The following NEXN variants were observed in gnomAD, a reference collection of about 807,000 sequenced individuals.
NEXN encodes the protein nexilin F-actin binding protein.
A neutral mutation model predicts 92.6 loss-of-function variants in NEXN; 65 were observed. The ratio of observed to expected loss-of-function variants is 0.70; its 90% CI spans 0.57 to 0.86. The LOEUF (loss-of-function observed/expected upper bound fraction) is 0.86, where lower values mean the gene tolerates loss of function less well. NEXN is among the 40% of genes least tolerant of loss of function. NEXN has a pLI of 0.00. For synonymous variants in NEXN, 254 were observed against 242.5 expected (o/e 1.05, Z -0.44); for missense variants, 778 against 771.1 (o/e 1.01, Z -0.11).
chr1:77,938,358 G>C (rs1650957055), intron 11 of NEXN, among the ~76,000 whole-genome samples: 1 of 152,088 alleles, frequency 6.6e-6, no homozygotes, highest in African/African-American at 2.4e-5. Flanking sequence ...CATTTAAGAA[G>C]TTTAGTCTAC....
chr1:77,904,240 G>A (rs1380673935), intron 1 of NEXN, among the ~76,000 whole-genome samples: 2 of 152,006 alleles, frequency 1.3e-5, no homozygotes, highest in Non-Finnish European at 1.5e-5. Flanking sequence ...TGATCCGCCC[G>A]CCTTAGCCTC....
chr1:77,896,601 A>C (rs1419168232), intron 1 of NEXN, among the ~76,000 whole-genome samples: 1 of 151,978 alleles, frequency 6.6e-6, no homozygotes, highest in Non-Finnish European at 1.5e-5. Context: ...CCCTACTAAA[A>C]ATACAAAAAT....
At chr1:77,938,825 G>A (rs1651009859) in intron 11 of NEXN, among the ~76,000 whole-genome samples, 1 of 152,218 alleles carries the variant, frequency 6.6e-6, no homozygotes, top group Non-Finnish European at 1.5e-5. Flanking sequence ...TAACTCAGAG[G>A]TTGTAAAAAT....
In NEXN at chr1:77,926,912, C is replaced by A. The variant is rs1261459716; in HGVS notation, c.864+20C>A. ...CAAATGGTAAATCTACATATTTAAA[C>A]CTTACAATTAATATTAATGAAGTTA... On this transcript the variant is annotated intron_variant, in intron 8 of 12. Coordinates refer to ENST00000334785, the MANE Select transcript of NEXN (RefSeq NM_144573.4). 1.2e-6 allele frequency: 2 copies of A among 1,613,322 alleles called. No individual in the cohort carries two copies. The highest frequency in any genetic ancestry group is 2.2e-5 in the South Asian group (2 of 90,928).
intron 10 of NEXN, among the ~76,000 whole-genome samples, chr1:77,934,523 C>T (rs1650589015): frequency 6.6e-6 from 1 of 152,194 alleles, no homozygotes; most frequent in African/African-American, 2.4e-5. Flanking sequence ...ATGAAGCATG[C>T]CCTATATAGG....
chr1:77,928,512 TAAAG>T (rs1318432882), intron 8 of NEXN, among the ~76,000 whole-genome samples: 1 of 151,986 alleles, frequency 6.6e-6, no homozygotes. Flanking sequence ...GTCAACTTAA[TAAAG>T]AAATAGTATT....
rs577856760 is a variant in NEXN at position 77,913,025 on chromosome 1, T to C, written c.-52-3030T>C. 1.6e-4 allele frequency among the ~76,000 whole-genome samples: 24 copies of C among 152,194 alleles called. No homozygotes were observed. The South Asian group carries it at 4.8e-3, about 30-fold the overall frequency. Reference sequence around the variant, plus strand: ...AAATAAGCCATAGACTTGGAGAAAATATTTGCAAGTGACATATCAGATAAA... The same window carrying C: ...AAATAAGCCATAGACTTGGAGAAAACATTTGCAAGTGACATATCAGATAAA... On this transcript the variant is annotated intron_variant, in intron 1 of 12. Coordinates refer to ENST00000334785, the MANE Select transcript of NEXN (RefSeq NM_144573.4).
rs1265217475 is a variant in NEXN, at chr1:77,929,431, G to T, written c.980G>T (p.Arg327Met). The change falls in exon 9 of 13, where the codon AGG becomes ATG. Residue 327 changes from arginine to methionine, a missense_variant. Coordinates refer to ENST00000334785, the MANE Select transcript of NEXN (RefSeq NM_144573.4). Reference protein sequence around the residue: ...MERQRREDEKRKAEEEARRRI... With the variant: ...MERQRREDEKMKAEEEARRRI... ...AGGCAAAGAAGAGAAGATGAAAAAA[G>T]GAAAGCAGAAGAAGAAGCCAGAAGG... is the stretch of plus-strand genomic sequence containing the variant. 5.6e-6 allele frequency: 9 copies of T among 1,613,606 alleles called. No homozygotes were observed. Among genetic ancestry groups the T allele is most frequent in the Non-Finnish European group, 6.8e-6 (8 of 1,179,724 alleles).
At chr1:77,934,039 T>C (rs2102149429) in intron 10 of NEXN, among the ~76,000 whole-genome samples, 1 of 129,760 alleles carries the variant, frequency 7.7e-6, no homozygotes, top group South Asian at 2.3e-4. Flanking sequence ...AGATGGAGTC[T>C]TGCTCTGTTG....
intron 1 of NEXN, among the ~76,000 whole-genome samples, chr1:77,912,884 T>C (rs1300974396): frequency 3.3e-5 from 5 of 152,078 alleles, no homozygotes; most frequent in Admixed American, 6.6e-5. Context: ...AGATTTGGAG[T>C]TCACTTTTTA....
chr1:77,907,645 G>A (rs1443446644), intron 1 of NEXN, among the ~76,000 whole-genome samples: 1 of 151,734 alleles, frequency 6.6e-6, no homozygotes, highest in African/African-American at 2.4e-5. Flanking sequence ...GATTTTAAGT[G>A]GTTTTATTCA....
chr1:77,902,679 C>T (rs1647816667), intron 1 of NEXN, among the ~76,000 whole-genome samples: 1 of 152,040 alleles, frequency 6.6e-6, no homozygotes, highest in East Asian at 1.9e-4. Flanking sequence ...TAGTCTCTTT[C>T]AGTTTGTATG....
chr1:77,935,982 C>A lies in NEXN; in HGVS notation c.1411C>A (p.Arg471=). The A allele has an allele frequency of 1.2e-6, 2 of 1,613,666 alleles. No homozygotes were observed. The highest frequency in any genetic ancestry group is 1.7e-6 in the Non-Finnish European group (2 of 1,179,940). The change falls in exon 11 of 13, where the codon CGA becomes AGA. Residue 471 remains arginine (R), a synonymous_variant. Transcript: ENST00000334785. The part of the protein sequence containing the change: ...KEIQKKIEEE[R]ARRRAIDLEI... The stretch of plus-strand genomic sequence containing the variant: ...AATACAGAAAAAAATAGAAGAAGAG[C>A]GAGCAAGAAGGAGAGCAATTGACCT...
chr1:77,900,276 G>A (rs1049216711), intron 1 of NEXN, among the ~76,000 whole-genome samples: 2 of 152,016 alleles, frequency 1.3e-5, no homozygotes, highest in Non-Finnish European at 2.9e-5. Flanking sequence ...TATCTGTCAA[G>A]GTCTAACTCA....
chr1:77,916,144 A>G lies in NEXN; in HGVS notation c.27+11A>G. The stretch of plus-strand genomic sequence containing the variant: ...TCCCAAAAGGCTGAGGTAAGTCTCA[A>G]AAGTAAAAATAAAAATAAAAGAGGG... On this transcript the variant is annotated intron_variant, in intron 2 of 12. Transcript: ENST00000334785. The G allele has an allele frequency of 6.3e-7, 1 of 1,597,058 alleles. No homozygotes were observed.
intron 5 of NEXN, chr1:77,924,236 C>T (rs1649672071): frequency 6.2e-6 from 1 of 160,786 alleles, no homozygotes; most frequent in African/African-American, 2.4e-5. Flanking sequence ...ATGGTGCACA[C>T]CTGTAGTACC....
chr1:77,906,849 T>A (rs986463765), intron 1 of NEXN, among the ~76,000 whole-genome samples: 1 of 151,884 alleles, frequency 6.6e-6, no homozygotes, highest in Admixed American at 6.6e-5. Flanking sequence ...AGAGATGGGG[T>A]CTTGCTATGT....
At chr1:77,942,337 C>A in intron 12 of NEXN, 124 bp from the exon 13 acceptor site, 2 of 1,337,304 alleles carry the variant, frequency 1.5e-6, no homozygotes, top group Non-Finnish European at 2.1e-6. Context: ...GTTAAGTACA[C>A]TTTGTAGTAG....
intron 11 of NEXN, among the ~76,000 whole-genome samples, chr1:77,941,434 CCT>C (rs1190397065): frequency 1.3e-5 from 2 of 152,208 alleles, no homozygotes; most frequent in Non-Finnish European, 1.5e-5. Flanking sequence ...CCAATTCACC[CCT>C]CAGATGACTC....
Sources: allele counts gnomAD v4.1 joint callset (sites outside exome capture counted in the v4.1 genomes callset), GRCh38; gene constraint gnomAD v4.1.1; transcripts MANE v1.5; gene names NCBI Gene and HGNC (gene_info 2026-07-23, HGNC 2026-07-21).